STAU1: variants seen among roughly 807,000 people sequenced by gnomAD.
STAU1 encodes staufen double-stranded RNA binding protein 1.
Under a neutral mutation model 62.9 loss-of-function variants are expected in STAU1, and 13 were observed. The observed-to-expected ratio is 0.21, with a 90% CI of 0.13 to 0.33. The LOEUF is 0.33. Ranked by LOEUF, STAU1 falls within the 10% of genes least tolerant of loss-of-function variation. The probability of loss-of-function intolerance (pLI) is 1.00; values close to 1 mark genes in which losing one functional copy is unlikely to be tolerated. For missense variants in STAU1, 571 were observed against 712.1 expected, an observed-to-expected ratio of 0.80 and a Z score of 2.25; for synonymous variants, 269 against 265.1, an observed-to-expected ratio of 1.01 and a Z score of -0.14.
chr20:49,214,321 C>G, the STAU1 span, among the ~76,000 whole-genome samples: 1 of 152,270 alleles, frequency 6.6e-6, no homozygotes, highest in Middle Eastern at 3.4e-3. Flanking sequence ...AGTTCAAGAC[C>G]AGCCTAGCCA....
Position 49,166,115 on chromosome 20 carries a change from TGA to T in STAU1, c.85_86del (p.Ser29ThrfsTer11), listed in dbSNP as rs1225845694. 1 of 1,614,158 alleles carries T rather than the reference TGA, an allele frequency of 6.2e-7. No homozygotes were observed. ...QILNKNQSLL[S>X]QPLMSIPSTT... ...TAGAAGGAATACTCATCAAAGGCTG[TGA>T]GAGAAGAGACTGGTTCTTGTTCAGT... On this transcript the variant is annotated frameshift_variant, in exon 3 of 14. Coordinates refer to ENST00000371856, the MANE Select transcript of STAU1 (RefSeq NM_017453.4). LOFTEE classifies it high-confidence loss of function.
intron 8 of STAU1, among the ~76,000 whole-genome samples, chr20:49,121,106 T>C (rs1346961538): frequency 1.3e-5 from 2 of 148,582 alleles, no homozygotes. Context: ...CCTATTAACA[T>C]AAATAAAAAA....
intron 5 of STAU1, among the ~76,000 whole-genome samples, chr20:49,150,873 C>G (rs1441864589): frequency 6.6e-6 from 1 of 152,124 alleles, no homozygotes. Flanking sequence ...AGCAATCCTT[C>G]CATAGGTCAC....
chr20:49,132,181 C>G (rs1455930287), intron 6 of STAU1, among the ~76,000 whole-genome samples: 1 of 152,052 alleles, frequency 6.6e-6, no homozygotes, highest in Admixed American at 6.6e-5. Flanking sequence ...CCGCCCACAC[C>G]CAAGGGCAGA....
chr20:49,130,044 TTAA>T lies in STAU1; in HGVS notation c.610-5460_610-5458del, dbSNP rs576938526. ...TATATAAATGTTTACAGTAGATTTA[TTAA>T]TAATCACCAAAAACTCACAACAATA... On this transcript the variant is annotated intron_variant, in intron 6 of 13. Transcript: ENST00000371856. Among the ~76,000 whole-genome samples, 13 of 152,250 alleles carry T rather than the reference TTAA, an allele frequency of 8.5e-5. No individual in the cohort carries two copies. In the East Asian group the frequency reaches 2.5e-3, roughly 29 times the overall value.
At chr20:49,133,719 A>C (rs2092805334) in intron 6 of STAU1, among the ~76,000 whole-genome samples, 1 of 152,178 alleles carries the variant, frequency 6.6e-6, no homozygotes, top group Non-Finnish European at 1.5e-5. Flanking sequence ...CTCCAAGAGA[A>C]CAGTGTAAAC....
At chr20:49,219,278 A>T in the STAU1 span, 3 of 1,431,354 alleles carry the variant, frequency 2.1e-6, no homozygotes, top group East Asian at 2.5e-5. Flanking sequence ...GAAACCAACC[A>T]CGCCCCATAT....
At chr20:49,217,326 T>A in the STAU1 span, among the ~76,000 whole-genome samples, 1 of 152,054 alleles carries the variant, frequency 6.6e-6, no homozygotes. Context: ...AGGAACTTGA[T>A]GGCAAAGTAC....
chr20:49,213,000 T>G, the STAU1 span, among the ~76,000 whole-genome samples: 1 of 151,512 alleles, frequency 6.6e-6, no homozygotes, highest in Admixed American at 6.6e-5. Flanking sequence ...TTTTTTATTT[T>G]ATTTTATTTA....
upstream of STAU1, among the ~76,000 whole-genome samples, chr20:49,192,531 G>T (rs141905973): frequency 1.3e-5 from 2 of 152,226 alleles, no homozygotes; most frequent in East Asian, 3.9e-4. Context: ...AGAAATACAG[G>T]TTATGGTATT....
intron 1 of STAU1, among the ~76,000 whole-genome samples, chr20:49,187,027 A>G (rs1215194934): frequency 3.3e-5 from 5 of 152,136 alleles, no homozygotes; most frequent in African/African-American, 1.2e-4. Flanking sequence ...GAATATAAGC[A>G]AAGCTTCCGT....
intron 5 of STAU1, among the ~76,000 whole-genome samples, chr20:49,137,832 A>T (rs969216835): frequency 1.6e-5 from 2 of 128,440 alleles, no homozygotes; most frequent in Non-Finnish European, 3.2e-5. Context: ...CACCCGGCTA[A>T]TTTTTTTTTT....
intron 3 of STAU1, among the ~76,000 whole-genome samples, chr20:49,162,796 T>C (rs923387518): frequency 4.0e-5 from 6 of 149,422 alleles, no homozygotes; most frequent in Non-Finnish European, 8.9e-5. Context: ...AAAACAGATT[T>C]ATAAAGTAAA....
chr20:49,152,572 C>G (rs1460962111), intron 4 of STAU1, among the ~76,000 whole-genome samples: 1 of 151,954 alleles, frequency 6.6e-6, no homozygotes. Flanking sequence ...AAACTCCTGA[C>G]CTCATGATCC....
At chr20:49,177,828 T>C (rs1165892983) in intron 1 of STAU1, among the ~76,000 whole-genome samples, 1 of 151,526 alleles carries the variant, frequency 6.6e-6, no homozygotes, top group Non-Finnish European at 1.5e-5. Context: ...AGGGGAGAAA[T>C]ACAGCAGTCA....
intron 5 of STAU1, among the ~76,000 whole-genome samples, chr20:49,143,257 C>A (rs1040724458): frequency 1.3e-5 from 2 of 152,172 alleles, no homozygotes; most frequent in Admixed American, 6.5e-5. Context: ...ACTGTTAACA[C>A]TGATTCCATA....
intron 7 of STAU1, 49 bp downstream of exon 7, chr20:49,124,326 C>A: frequency 1.3e-6 from 2 of 1,583,880 alleles, no homozygotes; most frequent in South Asian, 1.1e-5. Context: ...AAACCCCCCA[C>A]CCATCTATAA....
chr20:49,192,009 C>G (rs2093831947), upstream of STAU1, among the ~76,000 whole-genome samples: 1 of 151,452 alleles, frequency 6.6e-6, no homozygotes, highest in African/African-American at 2.4e-5. Flanking sequence ...TGAGATCACG[C>G]CACTGTATTC....
intron 6 of STAU1, chr20:49,134,448 A>C: frequency 1.6e-6 from 1 of 625,650 alleles, no homozygotes; most frequent in East Asian, 3.4e-5. Context: ...AAAAAAAAAA[A>C]AGCTCTGGGT....
Sources: gnomAD v4.1 joint callset for allele counts (sites outside exome capture counted in the v4.1 genomes callset) on GRCh38, gnomAD v4.1.1 for gene constraint, MANE v1.5 for transcripts, NCBI Gene and HGNC (gene_info 2026-07-23, HGNC 2026-07-21) for gene names.